UBR2: variants seen among roughly 807,000 people sequenced by gnomAD.
The protein encoded by UBR2 is E3 ubiquitin-protein ligase UBR2.
Under a neutral mutation model 247.9 loss-of-function variants are expected in UBR2, and 92 were observed. The ratio of observed to expected loss-of-function variants is 0.37; its 90% CI spans 0.31 to 0.44. The LOEUF (loss-of-function observed/expected upper bound fraction) is 0.44, where lower values mean the gene tolerates loss of function less well. Among genes scored for constraint, UBR2 ranks in the 20% least tolerant of loss-of-function variants. UBR2 has a pLI of 1.00. For missense variants in UBR2, 1,613 were observed against 2,112.6 expected (o/e 0.76, Z 4.64); for synonymous variants, 672 against 693.5 (o/e 0.97, Z 0.49).
At chr6:42,591,748 G>C (rs759368133) in intron 2 of UBR2, among the ~76,000 whole-genome samples, 1 of 152,016 alleles carries the variant, frequency 6.6e-6, no homozygotes, top group Non-Finnish European at 1.5e-5. Context: ...AAGACCCTTG[G>C]TCTCAAATAC....
intron 4 of UBR2, among the ~76,000 whole-genome samples, chr6:42,597,201 C>T (rs1032967269): frequency 1.3e-5 from 2 of 152,142 alleles, no homozygotes; most frequent in African/African-American, 4.8e-5. Flanking sequence ...GCAAGCTCCC[C>T]TGCCTAGCCA....
intron 2 of UBR2, among the ~76,000 whole-genome samples, chr6:42,576,787 C>T (rs746200571): frequency 6.6e-6 from 1 of 152,102 alleles, no homozygotes; most frequent in African/African-American, 2.4e-5. Context: ...TCTCAAAGTG[C>T]TGGGATTAAA....
intron 36 of UBR2, among the ~76,000 whole-genome samples, chr6:42,673,355 T>C (rs1026072396): frequency 6.6e-6 from 1 of 152,228 alleles, no homozygotes; most frequent in Non-Finnish European, 1.5e-5. Context: ...AGAGTCTCGC[T>C]CTGTTTTCCA....
chr6:42,649,951 A>T (rs188728472), intron 22 of UBR2, among the ~76,000 whole-genome samples: 1 of 152,334 alleles, frequency 6.6e-6, no homozygotes, highest in Admixed American at 6.5e-5. Flanking sequence ...TACATGTGAA[A>T]ATAGAGAAAT....
chr6:42,633,991 A>G (rs1795930111), intron 13 of UBR2, among the ~76,000 whole-genome samples: 1 of 152,158 alleles, frequency 6.6e-6, no homozygotes, highest in African/African-American at 2.4e-5. Flanking sequence ...TCGGCCTCCC[A>G]ATGTGCTGGG....
chr6:42,564,480 G>A, intron 1 of UBR2, 83 bp downstream of exon 1: 2 of 1,483,950 alleles, frequency 1.3e-6, no homozygotes, highest in Non-Finnish European at 1.8e-6. Context: ...ACGTCCTGGA[G>A]CAGCCCGACC....
At chr6:42,587,329 T>C (rs773354720) in intron 2 of UBR2, among the ~76,000 whole-genome samples, 2 of 152,110 alleles carry the variant, frequency 1.3e-5, no homozygotes, top group Non-Finnish European at 2.9e-5. Context: ...ATTTGCAGTC[T>C]TTGTTGCATA....
chr6:42,661,107 C>T (rs1303818945), intron 30 of UBR2, among the ~76,000 whole-genome samples: 1 of 151,206 alleles, frequency 6.6e-6, no homozygotes, highest in Non-Finnish European at 1.5e-5. Flanking sequence ...TCCTGGCTAA[C>T]ACAGTGAAAC....
At chr6:42,586,461 T>C (rs1351973716) in intron 2 of UBR2, among the ~76,000 whole-genome samples, 4 of 152,026 alleles carry the variant, frequency 2.6e-5, no homozygotes, top group Non-Finnish European at 4.4e-5. Context: ...TTGGATGTAA[T>C]TATTGATATG....
intron 21 of UBR2, 148 bp from the exon 22 acceptor site, chr6:42,647,970 T>C: frequency 1.9e-6 from 1 of 519,596 alleles, no homozygotes; most frequent in Non-Finnish European, 3.5e-6. Flanking sequence ...TATTAATCAT[T>C]GTATTTGCTA....
chr6:42,611,752 A>G (rs1327319030), intron 7 of UBR2, among the ~76,000 whole-genome samples: 11 of 151,896 alleles, frequency 7.2e-5, no homozygotes. Flanking sequence ...CTAAAAATAC[A>G]ACAGTTAGCC....
At chr6:42,673,212 C>T (rs988740901) in intron 36 of UBR2, among the ~76,000 whole-genome samples, 10 of 152,184 alleles carry the variant, frequency 6.6e-5, no homozygotes, top group African/African-American at 9.7e-5. Context: ...CTACATTTTA[C>T]GGAAGAGTAT....
chr6:42,675,465 T>C (rs900783942), intron 38 of UBR2, among the ~76,000 whole-genome samples: 1 of 151,984 alleles, frequency 6.6e-6, no homozygotes. Context: ...CTGGAGAGAG[T>C]TCAGATACTG....
rs368004707 is a variant in UBR2 at position 42,646,982 on chromosome 6, C to T, written c.2410-1136C>T. 8.6e-5 allele frequency among the ~76,000 whole-genome samples: 13 copies of T among 151,544 alleles called. No homozygotes were observed. In the East Asian group the frequency reaches 2.2e-3, roughly 25 times the overall value. ...GATTACAGGCGCACGCCACCATGCC[C>T]GGCTAATTTTTGTGTTTTTAGTAGA... is the stretch of plus-strand genomic sequence containing the variant. On this transcript the variant is annotated intron_variant, in intron 21 of 46. Coordinates refer to ENST00000372901, the MANE Select transcript of UBR2 (RefSeq NM_001363705.2).
chr6:42,620,478 GTTGT>G (rs144089110), intron 11 of UBR2: 35,226 of 100,798 alleles, frequency 0.35, 4,416 homozygotes, highest in East Asian at 0.55. Context: ...AATATTAAGT[GTTGT>G]TTTTTTTTTT....
At chr6:42,570,604 A>G (rs535703645) in intron 1 of UBR2, among the ~76,000 whole-genome samples, 1 of 152,236 alleles carries the variant, frequency 6.6e-6, no homozygotes, top group Admixed American at 6.5e-5. Context: ...CTTGTTATTT[A>G]TAATAATATG....
At chr6:42,616,592 A>G (rs770202007) in intron 10 of UBR2, among the ~76,000 whole-genome samples, 8 of 151,924 alleles carry the variant, frequency 5.3e-5, no homozygotes, top group Non-Finnish European at 1.2e-4. Context: ...TTTTATAAAT[A>G]GATTGCAAAT....
At chr6:42,634,399 A>G (rs1795951296) in intron 13 of UBR2, 1 of 195,618 alleles carries the variant, frequency 5.1e-6, no homozygotes, top group Non-Finnish European at 1.1e-5. Flanking sequence ...TCTTAAGAAA[A>G]GGAATGACCA....
chr6:42,677,885 T>C (rs962315992), intron 40 of UBR2, among the ~76,000 whole-genome samples: 2 of 152,202 alleles, frequency 1.3e-5, no homozygotes, highest in Non-Finnish European at 2.9e-5. Flanking sequence ...CAAAATATTA[T>C]AAATCTATTT....
Sources: allele counts gnomAD v4.1 joint callset (sites outside exome capture counted in the v4.1 genomes callset), GRCh38; gene constraint gnomAD v4.1.1; transcripts MANE v1.5; gene names NCBI Gene and HGNC (gene_info 2026-07-23, HGNC 2026-07-21).